Variants in SGCG observed in about 807,000 individuals in gnomAD.
SGCG encodes the protein gamma-sarcoglycan.
A neutral mutation model predicts 29.3 loss-of-function variants in SGCG; 26 were observed. That is an observed-to-expected ratio of 0.89 (90% CI 0.65 to 1.23). The LOEUF is 1.23. Among genes scored for constraint, SGCG ranks in the 50% most tolerant of loss-of-function variants. SGCG has a pLI of 0.00. For missense variants in SGCG, 353 were observed against 356.0 expected, an observed-to-expected ratio of 0.99 and a Z score of 0.07; for synonymous variants, 145 against 129.7, an observed-to-expected ratio of 1.12 and a Z score of -0.80.
chr13:23,210,552 G>A (rs1593174633), intron 2 of SGCG, among the ~76,000 whole-genome samples: 2 of 152,154 alleles, frequency 1.3e-5, no homozygotes, highest in African/African-American at 2.4e-5. Context: ...TTAGCCGGGC[G>A]TGGTGGCGGG....
At chr13:23,163,757 AT>A in the SGCG span, among the ~76,000 whole-genome samples, 5 of 152,348 alleles carry the variant, frequency 3.3e-5, no homozygotes, top group South Asian at 8.3e-4. Flanking sequence ...AGTTACCTGA[AT>A]AAGAAAAGGG....
At chr13:23,230,102 G>A (rs957187031) in intron 2 of SGCG, among the ~76,000 whole-genome samples, 1 of 152,090 alleles carries the variant, frequency 6.6e-6, no homozygotes, top group South Asian at 2.1e-4. Context: ...CAGGTGTGTG[G>A]CCTTATTTCT....
chr13:23,285,841 G>A (rs549965101), intron 5 of SGCG, among the ~76,000 whole-genome samples: 1 of 152,208 alleles, frequency 6.6e-6, no homozygotes, highest in East Asian at 1.9e-4. Flanking sequence ...AGTCCTTCAC[G>A]GCTTCCCTTG....
chr13:23,277,955 C>T (rs1293935599), intron 4 of SGCG, among the ~76,000 whole-genome samples: 1 of 151,980 alleles, frequency 6.6e-6, no homozygotes, highest in Non-Finnish European at 1.5e-5. Flanking sequence ...GCCTCGGCCT[C>T]CCAAAGTGCT....
At chr13:23,163,838 A>G in the SGCG span, among the ~76,000 whole-genome samples, 1 of 152,276 alleles carries the variant, frequency 6.6e-6, no homozygotes, top group African/African-American at 2.4e-5. Flanking sequence ...ACTAGCAACC[A>G]GATATAAAAA....
At chr13:23,278,791 T>G (rs1881189766) in intron 4 of SGCG, among the ~76,000 whole-genome samples, 1 of 152,166 alleles carries the variant, frequency 6.6e-6, no homozygotes, top group Non-Finnish European at 1.5e-5. Context: ...ACAGAAGGCA[T>G]GGCAAAGACA....
the SGCG span, among the ~76,000 whole-genome samples, chr13:23,172,863 G>C: frequency 1.3e-5 from 2 of 152,182 alleles, no homozygotes; most frequent in East Asian, 3.9e-4. Flanking sequence ...CTGCAAGAAA[G>C]GAGGAAGTGG....
chr13:23,236,777 T>C (rs916598025), intron 3 of SGCG, among the ~76,000 whole-genome samples: 6 of 152,286 alleles, frequency 3.9e-5, no homozygotes, highest in African/African-American at 1.4e-4. Context: ...TTATAGCGAA[T>C]ATCTTAGATA....
At chr13:23,295,594 C>G in intron 6 of SGCG, 107 bp downstream of exon 6, 3 of 831,472 alleles carry the variant, frequency 3.6e-6, no homozygotes, top group Non-Finnish European at 6.3e-6. Context: ...CTTATTTCAT[C>G]AGTTGCCTTT....
chr13:23,161,641 T>G, the SGCG span, among the ~76,000 whole-genome samples: 2 of 152,256 alleles, frequency 1.3e-5, no homozygotes, highest in African/African-American at 4.8e-5. Flanking sequence ...AAATCTTCGT[T>G]TTTGTTGACG....
At chr13:23,289,496 A>G (rs188168965) in intron 5 of SGCG, among the ~76,000 whole-genome samples, 27 of 152,334 alleles carry the variant, frequency 1.8e-4, no homozygotes, top group Admixed American at 3.9e-4. Context: ...AGAGGGCCTC[A>G]GTGATTTGGC....
At chr13:23,282,204 A>G (rs1253441073) in intron 5 of SGCG, among the ~76,000 whole-genome samples, 1 of 152,120 alleles carries the variant, frequency 6.6e-6, no homozygotes. Flanking sequence ...GCTTCCTTAC[A>G]TTTTGTGATT....
chr13:23,196,568 C>T (rs1039562417), intron 1 of SGCG, among the ~76,000 whole-genome samples: 1 of 152,158 alleles, frequency 6.6e-6, no homozygotes, highest in African/African-American at 2.4e-5. Flanking sequence ...TTATTCGTCA[C>T]GTGTATTTCT....
intron 6 of SGCG, among the ~76,000 whole-genome samples, chr13:23,296,587 T>C (rs486627): frequency 0.37 from 55,515 of 150,368 alleles, 10,750 homozygotes; most frequent in East Asian, 0.79. Context: ...GTCCTCATTC[T>C]CTTCTCCCGG....
At chr13:23,220,959 T>C (rs1878634054) in intron 2 of SGCG, among the ~76,000 whole-genome samples, 1 of 152,230 alleles carries the variant, frequency 6.6e-6, no homozygotes, top group African/African-American at 2.4e-5. Flanking sequence ...CCAGGATCAC[T>C]GTAACATTGA....
intron 2 of SGCG, among the ~76,000 whole-genome samples, chr13:23,224,950 T>C (rs1191862648): frequency 6.6e-6 from 1 of 151,836 alleles, no homozygotes; most frequent in Non-Finnish European, 1.5e-5. Context: ...ATTGCTATGC[T>C]CTTGCCAGTG....
rs549849668 is a variant in SGCG, at chr13:23,208,905, T to A, written c.195+5016T>A. Among the ~76,000 whole-genome samples, 35 of 152,250 alleles carry A rather than the reference T, an allele frequency of 2.3e-4. 1 individual carries two copies. The highest frequency in any genetic ancestry group is 7.9e-4 in the African/African-American group (33 of 41,586). On this transcript the variant is annotated intron_variant, in intron 2 of 7. Transcript: ENST00000218867. ...TATAGAATAATATACATGGGTCATA[T>A]CTGTATGTTAAAATAAGACATCTTT...
chr13:23,207,972 C>A (rs1416626133), intron 2 of SGCG, among the ~76,000 whole-genome samples: 1 of 152,060 alleles, frequency 6.6e-6, no homozygotes, highest in Admixed American at 6.5e-5. Flanking sequence ...GAATGGAAAC[C>A]AATTTCTTTT....
intron 1 of SGCG, among the ~76,000 whole-genome samples, chr13:23,194,684 T>A (rs1417838536): frequency 6.6e-6 from 1 of 152,170 alleles, no homozygotes; most frequent in East Asian, 1.9e-4. Flanking sequence ...CTAATGGTAT[T>A]CACCATGTCT....
Sources: allele counts gnomAD v4.1 joint callset (sites outside exome capture counted in the v4.1 genomes callset), GRCh38; gene constraint gnomAD v4.1.1; transcripts MANE v1.5; gene names NCBI Gene and HGNC (gene_info 2026-07-23, HGNC 2026-07-21).